The following MARCHF10 variants were observed in gnomAD, a reference collection of about 807,000 sequenced individuals.
MARCHF10 encodes the protein membrane associated ring-CH-type finger 10.
MARCHF10 carries 64 observed loss-of-function variants against 76.2 expected under a neutral mutation model. The observed-to-expected ratio is 0.84, with a 90% CI of 0.69 to 1.03. The LOEUF is 1.03. MARCHF10 is among the 50% of genes least tolerant of loss of function. MARCHF10 has a pLI of 0.00. For missense variants in MARCHF10, 875 were observed against 958.0 expected (o/e 0.91, Z 1.14); for synonymous variants, 340 against 357.5 (o/e 0.95, Z 0.55).
At chr17:62,768,221 T>C (rs1490546284) in intron 3 of MARCHF10, among the ~76,000 whole-genome samples, 2 of 152,140 alleles carry the variant, frequency 1.3e-5, no homozygotes, top group African/African-American at 2.4e-5. Context: ...TAACATAGAA[T>C]TGTACCATTC....
chr17:62,736,062 A>G lies in MARCHF10; in HGVS notation c.1806T>C (p.Thr602=), dbSNP rs751487439. The G allele has an allele frequency of 6.2e-6, 10 of 1,614,224 alleles. No individual in the cohort carries two copies. The East Asian group carries it at 2.2e-4, about 36-fold the overall frequency. The change falls in exon 6 of 11, where the codon ACT becomes ACC. Residue 602 remains threonine (T), a synonymous_variant. Coordinates refer to ENST00000311269, the MANE Select transcript of MARCHF10 (RefSeq NM_152598.4). ...TTGGGAAATGAGACACTGCAAAGAA[A>G]GTAAATGGTGTATTTTCTTGCAGAG... The part of the protein sequence containing the change: ...SGSLQENTPF[T]FFAVSHFPNQ...
intron 8 of MARCHF10, chr17:62,714,481 C>A (rs899401322): frequency 4.3e-6 from 4 of 927,844 alleles, no homozygotes; most frequent in Admixed American, 1.2e-4. Flanking sequence ...ATTGTCTGGG[C>A]GTTAAGATCT....
chr17:62,748,379 G>A (rs938906289), intron 4 of MARCHF10, among the ~76,000 whole-genome samples: 3 of 151,376 alleles, frequency 2.0e-5, no homozygotes, highest in South Asian at 2.1e-4. Flanking sequence ...CCTCCAGGCC[G>A]GGCGACAGTG....
At chr17:62,786,054 A>G (rs1001043424) in intron 3 of MARCHF10, among the ~76,000 whole-genome samples, 4 of 152,222 alleles carry the variant, frequency 2.6e-5, no homozygotes, top group Non-Finnish European at 5.9e-5. Flanking sequence ...AGGATTATAA[A>G]TCATGCTACT....
At chr17:62,799,365 T>C (rs2093036558) in intron 2 of MARCHF10, among the ~76,000 whole-genome samples, 1 of 152,178 alleles carries the variant, frequency 6.6e-6, no homozygotes, top group South Asian at 2.1e-4. Flanking sequence ...GTCCTTTCCA[T>C]ATACCGCAGC....
chr17:62,725,206 G>A (rs1013283821), intron 6 of MARCHF10, 102 bp from the exon 7 acceptor site: 2 of 1,042,584 alleles, frequency 1.9e-6, no homozygotes, highest in Non-Finnish European at 2.7e-6. Flanking sequence ...AGGGCTCCTG[G>A]TACTCACCCG....
At chr17:62,792,808 T>TCACCACCACCACCACCACCTCCACCAC (rs143960209) in intron 2 of MARCHF10, among the ~76,000 whole-genome samples, 1 of 66,452 alleles carries the variant, frequency 1.5e-5, no homozygotes. Flanking sequence ...ACCACCTCCA[T>TCACCACCACCACCACCACCTCCACCAC]CACCACCACC....
intron 6 of MARCHF10, among the ~76,000 whole-genome samples, chr17:62,734,349 G>A (rs530948135): frequency 6.6e-6 from 1 of 152,212 alleles, no homozygotes; most frequent in Non-Finnish European, 1.5e-5. Context: ...TGGGTGAGGG[G>A]CTCAGGAGGG....
Position 62,711,821 on chromosome 17 carries a change from C to T in MARCHF10, c.2215-477G>A, listed in dbSNP as rs946051628. On this transcript the variant is annotated intron_variant, in intron 8 of 10. Coordinates refer to ENST00000311269, the MANE Select transcript of MARCHF10 (RefSeq NM_152598.4). This position sits in a 1 kb window ranked among gnomAD's most constrained non-coding sequence, Gnocchi z 4.4. The stretch of plus-strand genomic sequence containing the variant: ...TAACGTTCTCAGCAGTCACAGATGT[C>T]CCCTTGTGAAAGGCTTCCTGAGGAG... 1.3e-5 allele frequency among the ~76,000 whole-genome samples: 2 copies of T among 152,194 alleles called. No individual in the cohort carries two copies. The highest frequency in any genetic ancestry group is 4.8e-5 in the African/African-American group (2 of 41,448).
chr17:62,702,040 C>G (rs2089271595), intron 10 of MARCHF10, among the ~76,000 whole-genome samples: 1 of 152,204 alleles, frequency 6.6e-6, no homozygotes, highest in Non-Finnish European at 1.5e-5. Flanking sequence ...AACTTGTTTT[C>G]AGGCTGAATA....
intron 8 of MARCHF10, among the ~76,000 whole-genome samples, chr17:62,717,260 C>T (rs992264684): frequency 1.1e-4 from 16 of 152,224 alleles, no homozygotes; most frequent in South Asian, 2.1e-4. Flanking sequence ...AGCCCTCAGC[C>T]GCCTCCAGAC....
In MARCHF10 at chr17:62,701,404, C is replaced by A. The variant is rs1410216032; in HGVS notation, c.*299G>T. 8.0e-6 allele frequency: 4 copies of A among 502,632 alleles called. No homozygotes were observed. Among genetic ancestry groups the A allele is most frequent in the Non-Finnish European group, 1.4e-5 (4 of 285,962 alleles). The allele number at this position is 502,632 out of a possible 1,614,324, so 31.1% of individuals were successfully genotyped here. ...CTGGCAGGTGCCCTCAGCAGTGGGA[C>A]CCCAGGCCACTGGACCTGGCAGGGC... On this transcript the variant is annotated 3_prime_UTR_variant, in exon 11 of 11. Transcript: ENST00000311269.
chr17:62,727,344 A>T (rs995771984), intron 6 of MARCHF10, among the ~76,000 whole-genome samples: 4 of 152,180 alleles, frequency 2.6e-5, no homozygotes, highest in Non-Finnish European at 5.9e-5. Context: ...AATCAAGCAT[A>T]AAATCATTAC....
chr17:62,783,699 C>G (rs900858585), intron 3 of MARCHF10, among the ~76,000 whole-genome samples: 3 of 152,050 alleles, frequency 2.0e-5, no homozygotes, highest in Non-Finnish European at 4.4e-5. Flanking sequence ...GATATCACCA[C>G]CGATCCCACA....
intron 3 of MARCHF10, among the ~76,000 whole-genome samples, chr17:62,761,962 G>C (rs1558238): frequency 0.5 from 75,457 of 151,978 alleles, 20,287 homozygotes; most frequent in East Asian, 0.7. Context: ...CCCTGCAAGT[G>C]AGCCCTTTAT....
At chr17:62,760,143 G>A (rs1350394584) in intron 3 of MARCHF10, 137 bp from the exon 4 acceptor site, 13 of 665,466 alleles carry the variant, frequency 2.0e-5, no homozygotes, top group South Asian at 5.9e-5. Flanking sequence ...CAACACGCCC[G>A]TTCACCAGAG....
intron 3 of MARCHF10, among the ~76,000 whole-genome samples, chr17:62,767,195 G>T (rs1402088708): frequency 6.6e-6 from 1 of 152,160 alleles, no homozygotes; most frequent in Non-Finnish European, 1.5e-5. Context: ...CTGAGTAGAA[G>T]AATGCTTAAA....
intron 4 of MARCHF10, among the ~76,000 whole-genome samples, chr17:62,759,340 C>T (rs759665647): frequency 1.5e-4 from 23 of 152,146 alleles, no homozygotes; most frequent in Non-Finnish European, 2.5e-4. Context: ...TTACATTGCA[C>T]GATTCATGCC....
chr17:62,740,051 T>C (rs2091449953), intron 5 of MARCHF10, among the ~76,000 whole-genome samples: 1 of 43,914 alleles, frequency 2.3e-5, no homozygotes. Flanking sequence ...TTCTCTGCAG[T>C]GTGTGTGTGT....
Sources: gnomAD v4.1 joint callset for allele counts (sites outside exome capture counted in the v4.1 genomes callset) on GRCh38, gnomAD v4.1.1 for gene constraint, Gnocchi (gnomAD v3.1) non-coding constraint, MANE v1.5 for transcripts, NCBI Gene and HGNC (gene_info 2026-07-23, HGNC 2026-07-21) for gene names.